The following CNTNAP2 variants were observed in gnomAD, a reference collection of about 807,000 sequenced individuals.
The protein encoded by CNTNAP2 is contactin associated protein 2.
CNTNAP2 carries 98 observed loss-of-function variants against 155.2 expected under a neutral mutation model. The ratio of observed to expected loss-of-function variants is 0.63; its 90% CI spans 0.54 to 0.75. The LOEUF is 0.75. CNTNAP2 is among the 30% of genes least tolerant of loss of function. The pLI is 0.00. For missense variants in CNTNAP2, 1,727 were observed against 1,688.1 expected (o/e 1.02, Z -0.40); for synonymous variants, 651 against 631.2 (o/e 1.03, Z -0.47).
At chr7:147,092,375 G>C (rs1800425756) in intron 4 of CNTNAP2, among the ~76,000 whole-genome samples, 1 of 152,010 alleles carries the variant, frequency 6.6e-6, no homozygotes, top group African/African-American at 2.4e-5. Context: ...CAATATCTCA[G>C]GCCTTTATTC....
At chr7:146,390,973 A>AAAAATACAAAAATTAGCTG (rs1311958580) in intron 1 of CNTNAP2, among the ~76,000 whole-genome samples, 83 of 148,284 alleles carry the variant, frequency 5.6e-4, no homozygotes, top group Admixed American at 1.0e-3. Context: ...AGGCTGAGGC[A>AAAAATACAAAAATTAGCTG]GGAGAATTGC....
chr7:147,262,249 C>T (rs879385446), intron 8 of CNTNAP2, among the ~76,000 whole-genome samples: 8 of 152,246 alleles, frequency 5.3e-5, no homozygotes, highest in Admixed American at 3.3e-4. Context: ...TACTTGAATG[C>T]GGAAAGACAG....
intron 2 of CNTNAP2, among the ~76,000 whole-genome samples, chr7:146,819,718 C>T (rs1803239413): frequency 1.3e-5 from 2 of 152,120 alleles, no homozygotes. Flanking sequence ...AATTTTCATC[C>T]CCAAATCTCT....
intron 1 of CNTNAP2, among the ~76,000 whole-genome samples, chr7:146,540,048 CAG>C (rs1235088691): frequency 6.6e-6 from 1 of 152,012 alleles, no homozygotes; most frequent in Non-Finnish European, 1.5e-5. Context: ...TCTTGCAAGA[CAG>C]AGCACTGGAT....
intron 9 of CNTNAP2, among the ~76,000 whole-genome samples, chr7:147,315,283 GT>G (rs1554468302): frequency 9.8e-5 from 4 of 40,716 alleles, no homozygotes; most frequent in African/African-American, 7.9e-4. Context: ...GAATAACTTG[GT>G]GTGATACTCC....
At chr7:148,345,291 A>G (rs1798304626) in intron 21 of CNTNAP2, among the ~76,000 whole-genome samples, 2 of 152,176 alleles carry the variant, frequency 1.3e-5, no homozygotes, top group Admixed American at 1.3e-4. Flanking sequence ...CCAGGGCCAG[A>G]AGCCTATAAC....
intron 13 of CNTNAP2, among the ~76,000 whole-genome samples, chr7:147,753,643 T>A (rs1334031340): frequency 6.6e-6 from 1 of 152,146 alleles, no homozygotes; most frequent in East Asian, 1.9e-4. Flanking sequence ...TCAAAAAGCA[T>A]GAAAAATAAT....
At chr7:146,597,492 G>T (rs560301309) in intron 1 of CNTNAP2, among the ~76,000 whole-genome samples, 2 of 152,070 alleles carry the variant, frequency 1.3e-5, no homozygotes, top group South Asian at 2.1e-4. Flanking sequence ...ACAGGCACAT[G>T]TATAAGTTTT....
chr7:148,225,075 C>T (rs73170555), intron 19 of CNTNAP2, among the ~76,000 whole-genome samples: 18,714 of 152,196 alleles, frequency 0.12, 1,417 homozygotes, highest in East Asian at 0.27. Context: ...ATATTTATTC[C>T]ACTCCTACTG....
At chr7:147,247,710 T>C (rs1490264366) in intron 8 of CNTNAP2, among the ~76,000 whole-genome samples, 1 of 152,186 alleles carries the variant, frequency 6.6e-6, no homozygotes, top group Non-Finnish European at 1.5e-5. Flanking sequence ...TGCAAGAGTA[T>C]ATGGAATACT....
intron 1 of CNTNAP2, among the ~76,000 whole-genome samples, chr7:146,730,983 G>A (rs1192307603): frequency 2.6e-5 from 4 of 152,110 alleles, no homozygotes; most frequent in Admixed American, 2.0e-4. Flanking sequence ...AATTTCAGGA[G>A]CCTAGTGTTT....
At chr7:147,435,055 A>T (rs1797528845) in intron 10 of CNTNAP2, among the ~76,000 whole-genome samples, 1 of 152,180 alleles carries the variant, frequency 6.6e-6, no homozygotes, top group Non-Finnish European at 1.5e-5. Context: ...GGCGATCGTT[A>T]TATTGATTCA....
intron 8 of CNTNAP2, among the ~76,000 whole-genome samples, chr7:147,273,945 TTATGTAA>T (rs1384306426): frequency 6.7e-6 from 1 of 148,274 alleles, no homozygotes; most frequent in Non-Finnish European, 1.5e-5. Flanking sequence ...AATATCTATT[TTATGTAA>T]TATATTACAT....
chr7:146,919,588 A>G (rs1394489095), intron 3 of CNTNAP2, among the ~76,000 whole-genome samples: 1 of 152,204 alleles, frequency 6.6e-6, no homozygotes, highest in Non-Finnish European at 1.5e-5. Context: ...CAGTGGAGGT[A>G]GCAGGGGAGT....
At chr7:146,777,766 A>G (rs1802415414) in intron 2 of CNTNAP2, among the ~76,000 whole-genome samples, 1 of 152,108 alleles carries the variant, frequency 6.6e-6, no homozygotes, top group South Asian at 2.1e-4. Context: ...GGGTTTTGCC[A>G]TGTTGGCCAG....
At chr7:147,872,360 A>T (rs964874402) in intron 13 of CNTNAP2, among the ~76,000 whole-genome samples, 1 of 152,208 alleles carries the variant, frequency 6.6e-6, no homozygotes, top group East Asian at 1.9e-4. Flanking sequence ...CTAGAAAACT[A>T]CAGAACCGAA....
At chr7:146,262,320 C>G (rs1308361296) in intron 1 of CNTNAP2, among the ~76,000 whole-genome samples, 1 of 152,130 alleles carries the variant, frequency 6.6e-6, no homozygotes, top group African/African-American at 2.4e-5. Flanking sequence ...AATCCTTGCC[C>G]CCCTCAATTG....
chr7:146,345,264 G>T (rs1251838996), intron 1 of CNTNAP2, among the ~76,000 whole-genome samples: 1 of 152,086 alleles, frequency 6.6e-6, no homozygotes, highest in Non-Finnish European at 1.5e-5. Context: ...TCACTCATAT[G>T]TTCTAATCAC....
chr7:147,839,059 G>T (rs1798679326), intron 13 of CNTNAP2, among the ~76,000 whole-genome samples: 1 of 152,098 alleles, frequency 6.6e-6, no homozygotes, highest in South Asian at 2.1e-4. Context: ...AAGAACTTTG[G>T]GTCCAATGTT....
Sources: gnomAD v4.1 joint callset for allele counts (sites outside exome capture counted in the v4.1 genomes callset) on GRCh38, gnomAD v4.1.1 for gene constraint, MANE v1.5 for transcripts, NCBI Gene and HGNC (gene_info 2026-07-23, HGNC 2026-07-21) for gene names.